The following OXR1 variants were observed in gnomAD, a reference collection of about 807,000 sequenced individuals.
OXR1 encodes oxidation resistance protein 1.
Under a neutral mutation model 104.6 loss-of-function variants are expected in OXR1, and 41 were observed. The observed-to-expected ratio is 0.39, with a 90% CI of 0.31 to 0.51. OXR1 has a LOEUF of 0.51. Among genes scored for constraint, OXR1 ranks in the 20% least tolerant of loss-of-function variants. The pLI, the probability that OXR1 is intolerant of heterozygous loss-of-function variation, is 0.77. For missense variants in OXR1, 955 were observed against 1,031.9 expected, an observed-to-expected ratio of 0.93 and a Z score of 1.02; for synonymous variants, 348 against 348.4, an observed-to-expected ratio of 1.00 and a Z score of 0.01.
chr8:106,339,544 AT>A (rs1815149095), intron 1 of OXR1, among the ~76,000 whole-genome samples: 1 of 101,382 alleles, frequency 9.9e-6, no homozygotes, highest in Non-Finnish European at 2.0e-5. Context: ...ATATATATAT[AT>A]ATATATATAT....
intron 2 of OXR1, among the ~76,000 whole-genome samples, chr8:106,508,615 T>C (rs1199179319): frequency 6.6e-6 from 1 of 152,224 alleles, no homozygotes; most frequent in East Asian, 1.9e-4. Flanking sequence ...CCACAAAATG[T>C]CATTTTTACT....
intron 3 of OXR1, chr8:106,604,697 A>G (rs915307285): frequency 3.3e-5 from 5 of 152,196 alleles, no homozygotes; most frequent in African/African-American, 1.2e-4. Context: ...TGCTTAACAA[A>G]TGGTTGTACA....
intron 3 of OXR1, among the ~76,000 whole-genome samples, chr8:106,628,782 C>T (rs531109021): frequency 6.6e-6 from 1 of 152,242 alleles, no homozygotes; most frequent in South Asian, 2.1e-4. Context: ...GATCTGTTGG[C>T]ACTTCACGTA....
At chr8:106,405,365 A>G (rs1818194785) in intron 2 of OXR1, among the ~76,000 whole-genome samples, 1 of 151,876 alleles carries the variant, frequency 6.6e-6, no homozygotes, top group Non-Finnish European at 1.5e-5. Context: ...TATAGATTCC[A>G]GTCCAAGTCT....
chr8:106,526,808 C>G (rs753110371), intron 3 of OXR1, among the ~76,000 whole-genome samples: 10 of 152,286 alleles, frequency 6.6e-5, no homozygotes, highest in Non-Finnish European at 1.3e-4. Context: ...CTCCCAAAGT[C>G]CTGGGATTAT....
chr8:106,658,581 G>A (rs576279958), intron 3 of OXR1, among the ~76,000 whole-genome samples: 7 of 152,256 alleles, frequency 4.6e-5, no homozygotes, highest in African/African-American at 1.7e-4. Flanking sequence ...CTTTGGTTTT[G>A]GTTTGGGTCA....
At chr8:106,644,074 G>T (rs985709931) in intron 3 of OXR1, among the ~76,000 whole-genome samples, 6 of 151,952 alleles carry the variant, frequency 3.9e-5, no homozygotes, top group Admixed American at 1.3e-4. Context: ...GATATTTATT[G>T]AGAGAATAAG....
intron 2 of OXR1, among the ~76,000 whole-genome samples, chr8:106,510,083 T>A (rs1454879205): frequency 6.6e-6 from 1 of 152,218 alleles, no homozygotes; most frequent in African/African-American, 2.4e-5. Flanking sequence ...CAACACATAT[T>A]CTTATAATGG....
chr8:106,700,092 A>T (rs956411639), intron 7 of OXR1, among the ~76,000 whole-genome samples: 1 of 152,158 alleles, frequency 6.6e-6, no homozygotes, highest in Non-Finnish European at 1.5e-5. Context: ...TTAGAAGATT[A>T]GTCAGGTAAT....
At chr8:106,592,952 C>T (rs887863075) in intron 3 of OXR1, among the ~76,000 whole-genome samples, 2 of 152,184 alleles carry the variant, frequency 1.3e-5, no homozygotes, top group African/African-American at 4.8e-5. Context: ...CTAAATGTGA[C>T]CCCTACAGTC....
At chr8:106,531,194 C>T (rs1474686015) in intron 3 of OXR1, among the ~76,000 whole-genome samples, 1 of 152,112 alleles carries the variant, frequency 6.6e-6, no homozygotes, top group Non-Finnish European at 1.5e-5. Flanking sequence ...TTCTGTCTTA[C>T]AGAAAAAGAC....
chr8:106,578,411 A>G (rs1818004283), intron 3 of OXR1, among the ~76,000 whole-genome samples: 1 of 152,178 alleles, frequency 6.6e-6, no homozygotes, highest in South Asian at 2.1e-4. Context: ...TGACAAGATA[A>G]TTTTCCTACC....
chr8:106,485,960 G>C (rs78283786), intron 2 of OXR1, among the ~76,000 whole-genome samples: 125 of 151,888 alleles, frequency 8.2e-4, no homozygotes, highest in Admixed American at 1.8e-3. Flanking sequence ...TGGGACAGAG[G>C]GGGTGGGGGT....
At chr8:106,274,608 C>G (rs886452702) in intron 1 of OXR1, among the ~76,000 whole-genome samples, 1 of 143,260 alleles carries the variant, frequency 7.0e-6, no homozygotes, top group Non-Finnish European at 1.5e-5. Context: ...CCACCCCCCC[C>G]CCGACCCCGC....
chr8:106,513,347 G>T (rs755705369), intron 2 of OXR1, among the ~76,000 whole-genome samples: 1 of 151,814 alleles, frequency 6.6e-6, no homozygotes, highest in Non-Finnish European at 1.5e-5. Context: ...ACTTTTTCAT[G>T]GTTCTCTGGT....
chr8:106,275,883 T>G (rs1001192516), intron 1 of OXR1, among the ~76,000 whole-genome samples: 4 of 152,208 alleles, frequency 2.6e-5, no homozygotes, highest in Non-Finnish European at 5.9e-5. Flanking sequence ...ATCTTATAAT[T>G]GTTAAAGATA....
intron 3 of OXR1, among the ~76,000 whole-genome samples, chr8:106,525,226 G>A (rs914040393): frequency 2.6e-5 from 4 of 152,188 alleles, no homozygotes; most frequent in African/African-American, 7.2e-5. Flanking sequence ...TGTGTGCCAG[G>A]ATCTTTAAGC....
chr8:106,621,852 A>G (rs1821730338), intron 3 of OXR1, among the ~76,000 whole-genome samples: 1 of 152,190 alleles, frequency 6.6e-6, no homozygotes, highest in African/African-American at 2.4e-5. Flanking sequence ...CTTTATTTCC[A>G]AAGACCACAA....
intron 1 of OXR1, among the ~76,000 whole-genome samples, chr8:106,311,194 T>C (rs544005561): frequency 5.9e-5 from 9 of 152,264 alleles, no homozygotes; most frequent in Non-Finnish European, 1.3e-4. Context: ...ATTTCTGCTC[T>C]TCTTTTAAAT....
Sources: gnomAD v4.1 joint callset for allele counts (sites outside exome capture counted in the v4.1 genomes callset) on GRCh38, gnomAD v4.1.1 for gene constraint, MANE v1.5 for transcripts, NCBI Gene and HGNC (gene_info 2026-07-23, HGNC 2026-07-21) for gene names.